The following LSAMP variants were observed in gnomAD, a reference collection of about 807,000 sequenced individuals.
The protein encoded by LSAMP is limbic system associated membrane protein.
LSAMP carries 7 observed loss-of-function variants against 38.6 expected under a neutral mutation model. The observed-to-expected ratio is 0.18, with a 90% CI of 0.10 to 0.34. The LOEUF is 0.34. LSAMP is among the 10% of genes least tolerant of loss of function. The pLI is 1.00. For missense variants in LSAMP, 313 were observed against 420.0 expected (o/e 0.75, Z 2.23); for synonymous variants, 154 against 166.8 (o/e 0.92, Z 0.59).
rs186952359 is a variant in LSAMP at position 116,110,727 on chromosome 3, C to T, written c.156-24171G>A. Among the ~76,000 whole-genome samples the T allele has an allele frequency of 2.8e-3, 421 of 152,226 alleles. 1 individual carries two copies. The highest frequency in any genetic ancestry group is 6.0e-3 in the South Asian group (29 of 4,824). On this transcript the variant is annotated intron_variant, in intron 1 of 6. Transcript: ENST00000490035. ...TGAGGTCATAGGTGGATCTTTCTCA[C>T]GGAGCAAAGAGCAGGAGAACAGGGG...
At chr3:115,817,481 G>T (rs1021505336) in intron 6 of LSAMP, among the ~76,000 whole-genome samples, 1 of 152,154 alleles carries the variant, frequency 6.6e-6, no homozygotes, top group Admixed American at 6.5e-5. Context: ...AAGTCTCAGG[G>T]TCGGAAGAGC....
chr3:115,866,061 G>A (rs530906341), intron 3 of LSAMP, among the ~76,000 whole-genome samples: 1 of 152,086 alleles, frequency 6.6e-6, no homozygotes, highest in East Asian at 1.9e-4. Context: ...CTCTCTCTGT[G>A]TCTCTTGTTA....
intron 2 of LSAMP, among the ~76,000 whole-genome samples, chr3:116,078,356 G>C (rs969060056): frequency 6.7e-6 from 1 of 149,850 alleles, no homozygotes; most frequent in African/African-American, 2.5e-5. Flanking sequence ...AAGGAGTCTC[G>C]CTCTGTTGCC....
At chr3:115,861,068 TCTCTCCCTCTTTCCTC>T (rs1182948203) in intron 3 of LSAMP, among the ~76,000 whole-genome samples, 37 of 30,944 alleles carry the variant, frequency 1.2e-3, no homozygotes, top group African/African-American at 4.5e-3. Flanking sequence ...CCTCCCTCCC[TCTCTCCCTCTTTCCTC>T]CCCTCCCTCT....
At chr3:116,037,534 A>G (rs1426839056) in intron 2 of LSAMP, among the ~76,000 whole-genome samples, 1 of 152,148 alleles carries the variant, frequency 6.6e-6, no homozygotes, top group Non-Finnish European at 1.5e-5. Flanking sequence ...AGAGATAAAA[A>G]TAACATTCCA....
chr3:115,869,392 T>G (rs911885834), intron 3 of LSAMP, among the ~76,000 whole-genome samples: 1 of 150,356 alleles, frequency 6.7e-6, no homozygotes, highest in African/African-American at 2.5e-5. Context: ...CAATTTGGAG[T>G]AAAAAACATA....
chr3:115,895,396 G>A (rs1003320827), intron 3 of LSAMP, among the ~76,000 whole-genome samples: 5 of 152,064 alleles, frequency 3.3e-5, no homozygotes, highest in African/African-American at 1.2e-4. Context: ...TTGGGTATTG[G>A]GAGCAAGGGT....
At chr3:116,073,625 T>A (rs1707665210) in intron 2 of LSAMP, among the ~76,000 whole-genome samples, 1 of 152,204 alleles carries the variant, frequency 6.6e-6, no homozygotes, top group East Asian at 1.9e-4. Context: ...AAGAGGTCCT[T>A]CACTTCCCTT....
intron 2 of LSAMP, among the ~76,000 whole-genome samples, chr3:116,077,539 A>T (rs1467568312): frequency 6.6e-6 from 1 of 152,138 alleles, no homozygotes; most frequent in African/African-American, 2.4e-5. Flanking sequence ...TATTTAATAT[A>T]ATTTTTTACT....
At chr3:116,313,999 A>G (rs563997372) in intron 1 of LSAMP, among the ~76,000 whole-genome samples, 1 of 152,358 alleles carries the variant, frequency 6.6e-6, no homozygotes, top group East Asian at 1.9e-4. Context: ...TGTGTGAAGC[A>G]CTTTCCCACA....
intron 1 of LSAMP, chr3:116,368,133 T>C (rs1037715018): frequency 6.6e-6 from 1 of 152,228 alleles, no homozygotes; most frequent in Admixed American, 6.5e-5. Flanking sequence ...ATTTTTCATG[T>C]AATTAATAGC....
At chr3:116,047,767 A>C (rs1941321106) in intron 2 of LSAMP, among the ~76,000 whole-genome samples, 1 of 152,198 alleles carries the variant, frequency 6.6e-6, no homozygotes, top group African/African-American at 2.4e-5. Flanking sequence ...TTATTTTTGA[A>C]ATTGACAGGT....
chr3:116,394,010 C>T (rs4831134), intron 1 of LSAMP, among the ~76,000 whole-genome samples: 23,726 of 152,122 alleles, frequency 0.16, 2,173 homozygotes, highest in African/African-American at 0.25. Flanking sequence ...GCTGGAAGAC[C>T]AGCGAATCTG....
At chr3:116,248,500 T>A (rs756862441) in intron 1 of LSAMP, among the ~76,000 whole-genome samples, 12,144 of 149,332 alleles carry the variant, frequency 0.081, 659 homozygotes, top group African/African-American at 0.12. Flanking sequence ...TGTGTGTGTG[T>A]GTGTGTGTGT....
intron 1 of LSAMP, among the ~76,000 whole-genome samples, chr3:116,154,722 T>G (rs1179868225): frequency 6.6e-6 from 1 of 152,126 alleles, no homozygotes; most frequent in Admixed American, 6.6e-5. Context: ...CTCATTTTGC[T>G]TAGTCATTTT....
intron 1 of LSAMP, among the ~76,000 whole-genome samples, chr3:116,334,468 T>A (rs1012943781): frequency 2.0e-5 from 3 of 152,074 alleles, no homozygotes; most frequent in African/African-American, 7.2e-5. Flanking sequence ...ACATCCCTTA[T>A]GAACATTGAT....
intron 1 of LSAMP, among the ~76,000 whole-genome samples, chr3:116,171,816 G>T (rs1374850990): frequency 6.6e-6 from 1 of 151,812 alleles, no homozygotes; most frequent in East Asian, 1.9e-4. Flanking sequence ...TTTTAGACAG[G>T]AGCAAAAGAG....
intron 1 of LSAMP, among the ~76,000 whole-genome samples, chr3:116,138,296 CAT>C (rs1238271877): frequency 6.6e-6 from 1 of 152,082 alleles, no homozygotes; most frequent in African/African-American, 2.4e-5. Flanking sequence ...AAATTAAAGA[CAT>C]ATGAAACATA....
intron 1 of LSAMP, among the ~76,000 whole-genome samples, chr3:116,384,800 G>T (rs1559849137): frequency 6.6e-6 from 1 of 152,024 alleles, no homozygotes; most frequent in African/African-American, 2.4e-5. Flanking sequence ...TATTTTAATA[G>T]GTACAATTTT....
Sources: allele counts gnomAD v4.1 joint callset (sites outside exome capture counted in the v4.1 genomes callset), GRCh38; gene constraint gnomAD v4.1.1; transcripts MANE v1.5; gene names NCBI Gene and HGNC (gene_info 2026-07-23, HGNC 2026-07-21).